The following PPP1R9A variants were observed in gnomAD, a reference collection of about 807,000 sequenced individuals.
PPP1R9A encodes the protein neurabin-1.
PPP1R9A carries 59 observed loss-of-function variants against 141.9 expected under a neutral mutation model. The ratio of observed to expected loss-of-function variants is 0.42; its 90% CI spans 0.34 to 0.52. The LOEUF (loss-of-function observed/expected upper bound fraction) is 0.52, where lower values mean the gene tolerates loss of function less well. Ranked by LOEUF, PPP1R9A falls within the 20% of genes least tolerant of loss-of-function variation. The pLI is 0.10. For synonymous variants in PPP1R9A, 500 were observed against 569.7 expected (o/e 0.88, Z 1.74); for missense variants, 1,444 against 1,611.9 (o/e 0.90, Z 1.78).
intron 4 of PPP1R9A, among the ~76,000 whole-genome samples, chr7:95,152,555 GTCCTC>G (rs1217011993): frequency 6.6e-6 from 1 of 152,034 alleles, no homozygotes; most frequent in Non-Finnish European, 1.5e-5. Flanking sequence ...TCAAGTTTTT[GTCCTC>G]ATTTTGTTTC....
In PPP1R9A at chr7:95,290,449, T is replaced by C. The variant is rs961535680; in HGVS notation, c.*146T>C. The C allele has an allele frequency of 5.7e-5, 49 of 855,660 alleles. No homozygotes were observed. Among genetic ancestry groups the C allele is most frequent in the Non-Finnish European group, 8.6e-5 (49 of 568,492 alleles). The allele number at this position is 855,660 out of a possible 1,614,324, so 53.0% of individuals were successfully genotyped here. On this transcript the variant is annotated 3_prime_UTR_variant, in exon 20 of 20. Coordinates refer to ENST00000433360, the MANE Select transcript of PPP1R9A (RefSeq NM_001166160.2). Reference sequence around the variant, plus strand: ...GCTGAGGAACTGTGTGTTGAATAACTGCATTTTCTGCAATAGAATGCACTC... The same window carrying C: ...GCTGAGGAACTGTGTGTTGAATAACCGCATTTTCTGCAATAGAATGCACTC...
rs116051381 is a variant in PPP1R9A, at chr7:95,220,600, T to A, written c.1957-5361T>A. ...TGCTATGCAGATGTGGCTACAACTA[T>A]CTGAATTTATTCAGCAAACATTTGT... On this transcript the variant is annotated intron_variant, in intron 7 of 19. Transcript: ENST00000433360. Among the ~76,000 whole-genome samples, 1,369 of 152,212 alleles carry A rather than the reference T, an allele frequency of 9.0e-3. 24 individuals are homozygous for A. Among genetic ancestry groups the A allele is most frequent in the African/African-American group, 0.03 (1,262 of 41,554 alleles).
chr7:95,229,305 T>C (rs1795576844), intron 8 of PPP1R9A, among the ~76,000 whole-genome samples: 1 of 151,924 alleles, frequency 6.6e-6, no homozygotes, highest in Admixed American at 6.6e-5. Context: ...GCAGGCTCCC[T>C]AAAATGCCAA....
intron 5 of PPP1R9A, among the ~76,000 whole-genome samples, chr7:95,180,706 G>A (rs997566864): frequency 6.6e-6 from 1 of 151,978 alleles, no homozygotes; most frequent in African/African-American, 2.4e-5. Context: ...CAAAAAGTGG[G>A]CTAAGGACAT....
chr7:95,140,528 C>T (rs1202899753), intron 4 of PPP1R9A, among the ~76,000 whole-genome samples: 2 of 152,020 alleles, frequency 1.3e-5, no homozygotes, highest in African/African-American at 4.8e-5. Flanking sequence ...GTAGCTGGGA[C>T]TACAGGCATG....
chr7:95,174,451 A>C (rs980484816), intron 5 of PPP1R9A, among the ~76,000 whole-genome samples: 1 of 152,286 alleles, frequency 6.6e-6, no homozygotes, highest in East Asian at 1.9e-4. Flanking sequence ...TTACACAACT[A>C]TGTATACATT....
At chr7:95,209,405 G>A (rs1025234523) in intron 7 of PPP1R9A, among the ~76,000 whole-genome samples, 7 of 152,106 alleles carry the variant, frequency 4.6e-5, no homozygotes, top group Admixed American at 2.6e-4. Flanking sequence ...GGCTTGCAAG[G>A]GTGTCACCTG....
chr7:94,946,483 A>G (rs983494207), intron 2 of PPP1R9A, among the ~76,000 whole-genome samples: 1 of 151,964 alleles, frequency 6.6e-6, no homozygotes, highest in African/African-American at 2.4e-5. Flanking sequence ...ACAGTGGCCA[A>G]TTTTACCTTA....
rs144304734 is a variant in PPP1R9A at position 95,226,861 on chromosome 7, C to T, written c.2112+745C>T. ...GGGAGAGGAAATGTGGATAACTCTT[C>T]CAAAGTAGCTTCTCAGAACCATGAC... On this transcript the variant is annotated intron_variant, in intron 8 of 19. Transcript: ENST00000433360. Among the ~76,000 whole-genome samples the T allele has an allele frequency of 1.2e-4, 18 of 152,224 alleles. No individual in the cohort carries two copies. In the East Asian group the frequency reaches 3.1e-3, roughly 26 times the overall value.
At chr7:95,009,701 T>C (rs1804140256) in intron 2 of PPP1R9A, among the ~76,000 whole-genome samples, 2 of 152,162 alleles carry the variant, frequency 1.3e-5, no homozygotes, top group African/African-American at 4.8e-5. Context: ...AGCTTGGAAT[T>C]ATTGACAGCC....
chr7:95,225,989 A>C lies in PPP1R9A; in HGVS notation c.1985A>C (p.Glu662Ala), dbSNP rs150404158. 106 of 1,611,174 alleles carry C rather than the reference A, an allele frequency of 6.6e-5. No homozygotes were observed. Among genetic ancestry groups the C allele is most frequent in the Non-Finnish European group, 8.9e-5 (105 of 1,177,874 alleles). ...GGAGAATATGCCACAGATGAAGAAG[A>C]AGATGAGGTAGGACCTGTCCTTCCT... is the stretch of plus-strand genomic sequence containing the variant. ...KTGEYATDEE[E>A]DEVGPVLPGS... Residue 662 changes from glutamate to alanine, a missense_variant, in exon 8 of 20, where the codon GAA becomes GCA. Glu to Ala is a moderately radical substitution (Grantham distance 107). Around this residue, in one of 5 missense-constraint regions of PPP1R9A, gnomAD observed 488 missense variants for 542.0 expected, o/e 0.90. Transcript: ENST00000433360.
intron 2 of PPP1R9A, among the ~76,000 whole-genome samples, chr7:95,024,650 T>C (rs1309379838): frequency 6.6e-6 from 1 of 152,176 alleles, no homozygotes; most frequent in Non-Finnish European, 1.5e-5. Flanking sequence ...TTCATCCCTT[T>C]ATTTTGAGCC....
Position 95,292,211 on chromosome 7 carries a change from C to CATAA in PPP1R9A, c.*1908_*1909insATAA, listed in dbSNP as rs1320794526. The CATAA allele has an allele frequency of 6.6e-6, 1 of 152,308 alleles. No individual in the cohort carries two copies. The highest frequency in any genetic ancestry group is 1.5e-5 in the Non-Finnish European group (1 of 68,026). 9.4% of individuals were successfully genotyped at this position (152,308 alleles called of 1,614,324 possible). A position where few individuals can be genotyped will look rare whatever the true frequency, so the allele number is the denominator to read the frequency against. ...ATACTCTATTAATGTCTTGAGATGT[C>CATAA]TGGTGCTTTGTTATTTTTTCACATC... is the stretch of plus-strand genomic sequence containing the variant. On this transcript the variant is annotated 3_prime_UTR_variant, in exon 20 of 20. Transcript: ENST00000433360.
chr7:94,980,642 A>G (rs1177260128), intron 2 of PPP1R9A, among the ~76,000 whole-genome samples: 1 of 150,694 alleles, frequency 6.6e-6, no homozygotes, highest in Non-Finnish European at 1.5e-5. Flanking sequence ...GACATGAGCT[A>G]AATTGATTTC....
chr7:95,004,781 T>C (rs2151554770), intron 2 of PPP1R9A, among the ~76,000 whole-genome samples: 1 of 152,318 alleles, frequency 6.6e-6, no homozygotes, highest in East Asian at 1.9e-4. Context: ...TGGTTAAATA[T>C]ACTCCTGATG....
At chr7:95,107,754 C>T (rs1819758834) in intron 2 of PPP1R9A, among the ~76,000 whole-genome samples, 1 of 152,072 alleles carries the variant, frequency 6.6e-6, no homozygotes, top group Non-Finnish European at 1.5e-5. Context: ...TATTCTTTTT[C>T]AAACTGCTTG....
At chr7:95,048,669 A>G (rs1042401240) in intron 2 of PPP1R9A, among the ~76,000 whole-genome samples, 7 of 151,830 alleles carry the variant, frequency 4.6e-5, no homozygotes, top group African/African-American at 1.5e-4. Context: ...CAACCTCCCA[A>G]GTAGCTGGGA....
At chr7:95,027,849 C>G (rs2151788483) in intron 2 of PPP1R9A, among the ~76,000 whole-genome samples, 1 of 152,214 alleles carries the variant, frequency 6.6e-6, no homozygotes, top group East Asian at 1.9e-4. Context: ...GTATTATAAT[C>G]TTATGGGACC....
chr7:95,290,379 G>T lies in PPP1R9A; in HGVS notation c.*76G>T. ...CTTCCTGCCCTGCTCTCCTCCAGAG[G>T]ATGAAAAAGAAACTAAATGATAAGG... On this transcript the variant is annotated 3_prime_UTR_variant, in exon 20 of 20. Coordinates refer to ENST00000433360, the MANE Select transcript of PPP1R9A (RefSeq NM_001166160.2). 1 of 1,438,134 alleles carries T rather than the reference G, an allele frequency of 7.0e-7. No individual in the cohort carries two copies. The highest frequency in any genetic ancestry group is 9.3e-7 in the Non-Finnish European group (1 of 1,072,320). The allele number at this position is 1,438,134 out of a possible 1,614,324, so 89.1% of individuals were successfully genotyped here.
Sources: gnomAD v4.1 joint callset for allele counts (sites outside exome capture counted in the v4.1 genomes callset) on GRCh38, gnomAD v4.1.1 for gene constraint, gnomAD v4.1.1 regional missense constraint, MANE v1.5 for transcripts, NCBI Gene and HGNC (gene_info 2026-07-23, HGNC 2026-07-21) for gene names.